AFG2A: variants seen among roughly 807,000 people sequenced by gnomAD.
The protein encoded by AFG2A is ATPase family gene 2 protein homolog A.
chr4:122,969,115 A>G, the AFG2A span, among the ~76,000 whole-genome samples: 1 of 151,430 alleles, frequency 6.6e-6, no homozygotes. Context: ...GTTTATAATT[A>G]TATATTTATT....
the AFG2A span, among the ~76,000 whole-genome samples, chr4:123,229,565 A>C: frequency 6.6e-6 from 1 of 152,020 alleles, no homozygotes; most frequent in Non-Finnish European, 1.5e-5. Context: ...GAAGTGGTTC[A>C]AACAGTGGGA....
the AFG2A span, among the ~76,000 whole-genome samples, chr4:123,163,307 G>A: frequency 3.9e-5 from 6 of 152,134 alleles, no homozygotes; most frequent in East Asian, 3.9e-4. Context: ...ATGGTGGCGC[G>A]TGCCTGTAAT....
chr4:123,230,213 A>G, the AFG2A span, among the ~76,000 whole-genome samples: 1 of 151,938 alleles, frequency 6.6e-6, no homozygotes, highest in Non-Finnish European at 1.5e-5. Context: ...GCTTGGCAAC[A>G]TTTTACCCAC....
chr4:122,929,288 A>G, the AFG2A span: 2 of 1,399,342 alleles, frequency 1.4e-6, no homozygotes, highest in Non-Finnish European at 1.9e-6. Flanking sequence ...GTAATTTTGC[A>G]TTTTCTTGTA....
the AFG2A span, among the ~76,000 whole-genome samples, chr4:123,309,634 A>T: frequency 6.6e-6 from 1 of 152,228 alleles, no homozygotes; most frequent in Non-Finnish European, 1.5e-5. Flanking sequence ...GGAACAGAAT[A>T]TATACAGGTT....
At chr4:123,316,478 T>C in the AFG2A span, 1 of 152,304 alleles carries the variant, frequency 6.6e-6, no homozygotes, top group East Asian at 1.9e-4. Context: ...TCAAAACTTT[T>C]ATGCTCTGTG....
At chr4:122,956,747 G>C in the AFG2A span, among the ~76,000 whole-genome samples, 1 of 152,166 alleles carries the variant, frequency 6.6e-6, no homozygotes, top group Non-Finnish European at 1.5e-5. Context: ...AAAAAGATTA[G>C]TGTTCTAATT....
the AFG2A span, among the ~76,000 whole-genome samples, chr4:123,060,625 G>T: frequency 2.0e-5 from 3 of 152,082 alleles, no homozygotes; most frequent in Admixed American, 6.5e-5. Context: ...GCAGTGGCAG[G>T]GGGGGCCCTG....
At chr4:123,002,338 C>G in the AFG2A span, among the ~76,000 whole-genome samples, 2 of 151,994 alleles carry the variant, frequency 1.3e-5, no homozygotes, top group Non-Finnish European at 2.9e-5. Flanking sequence ...TGAATTTGAT[C>G]CTGTCATTAT....
chr4:123,214,884 G>A, the AFG2A span, among the ~76,000 whole-genome samples: 1 of 151,854 alleles, frequency 6.6e-6, no homozygotes, highest in Non-Finnish European at 1.5e-5. Context: ...TACAAAATAT[G>A]TGTCAGGCTA....
the AFG2A span, chr4:123,255,932 T>A: frequency 6.6e-7 from 1 of 1,509,610 alleles, no homozygotes; most frequent in Non-Finnish European, 9.1e-7. Context: ...TTCGTGAAAT[T>A]CCAGACATCT....
the AFG2A span, among the ~76,000 whole-genome samples, chr4:123,009,030 A>G: frequency 6.6e-6 from 1 of 152,254 alleles, no homozygotes; most frequent in African/African-American, 2.4e-5. Context: ...AGAAGGACTC[A>G]CTGGACTTGG....
At chr4:123,049,648 C>A in the AFG2A span, among the ~76,000 whole-genome samples, 2 of 151,664 alleles carry the variant, frequency 1.3e-5, no homozygotes, top group African/African-American at 4.8e-5. Flanking sequence ...TCTAATGATC[C>A]TTTGTATTTC....
the AFG2A span, among the ~76,000 whole-genome samples, chr4:123,012,629 G>A: frequency 2.0e-5 from 3 of 152,160 alleles, no homozygotes; most frequent in African/African-American, 4.8e-5. Flanking sequence ...GTCTGTGACC[G>A]GCGCTGGAGT....
the AFG2A span, among the ~76,000 whole-genome samples, chr4:122,976,793 T>C: frequency 6.6e-6 from 1 of 152,216 alleles, no homozygotes; most frequent in Non-Finnish European, 1.5e-5. Flanking sequence ...TTGAATGTAT[T>C]TACCAAAAGG....
chr4:122,987,684 A>C, the AFG2A span, among the ~76,000 whole-genome samples: 1 of 152,198 alleles, frequency 6.6e-6, no homozygotes, highest in Non-Finnish European at 1.5e-5. Flanking sequence ...TTGGTCCCAC[A>C]CACAGACTCT....
At chr4:123,062,528 C>A in the AFG2A span, among the ~76,000 whole-genome samples, 206 of 151,802 alleles carry the variant, frequency 1.4e-3, 1 homozygote, top group African/African-American at 4.7e-3. Context: ...TCATACCTAT[C>A]AATTATTGAG....
At chr4:123,282,438 G>A in the AFG2A span, among the ~76,000 whole-genome samples, 1 of 152,118 alleles carries the variant, frequency 6.6e-6, no homozygotes, top group Admixed American at 6.6e-5. Context: ...TTCTTACTGG[G>A]TTAGGGAGAA....
the AFG2A span, among the ~76,000 whole-genome samples, chr4:123,270,061 C>T: frequency 4.6e-5 from 7 of 152,212 alleles, no homozygotes; most frequent in East Asian, 1.9e-4. Flanking sequence ...GTGATCTGCC[C>T]GCCTCGGCCT....
Sources: gnomAD v4.1 joint callset for allele counts (sites outside exome capture counted in the v4.1 genomes callset) on GRCh38, gnomAD v4.1.1 for gene constraint, MANE v1.5 for transcripts, NCBI Gene and HGNC (gene_info 2026-07-23, HGNC 2026-07-21) for gene names.